Variants in ROBO2 observed in about 807,000 individuals in gnomAD.
The protein encoded by ROBO2 is roundabout homolog 2.
Under a neutral mutation model 160.8 loss-of-function variants are expected in ROBO2, and 53 were observed. The ratio of observed to expected loss-of-function variants is 0.33; its 90% CI spans 0.26 to 0.41. The LOEUF is 0.41. Ranked by LOEUF, ROBO2 falls within the 10% of genes least tolerant of loss-of-function variation. ROBO2 has a pLI of 1.00. For synonymous variants in ROBO2, 664 were observed against 611.7 expected, an observed-to-expected ratio of 1.09 and a Z score of -1.26; for missense variants, 1,577 against 1,722.4, an observed-to-expected ratio of 0.92 and a Z score of 1.49.
chr3:75,934,924 T>A (rs566083121), intron 1 of ROBO2, among the ~76,000 whole-genome samples: 112 of 152,310 alleles, frequency 7.4e-4, no homozygotes, highest in African/African-American at 2.5e-3. Context: ...CAAAAGTAAT[T>A]TACTGAAGGA....
chr3:76,825,654 A>C (rs1192186054), intron 2 of ROBO2, among the ~76,000 whole-genome samples: 1 of 125,642 alleles, frequency 8.0e-6, no homozygotes, highest in South Asian at 2.7e-4. Context: ...TTTTTTCCCT[A>C]TTTTCACAAA....
chr3:76,185,945 T>A (rs1243630808), intron 2 of ROBO2, among the ~76,000 whole-genome samples: 2 of 151,278 alleles, frequency 1.3e-5, no homozygotes, highest in Admixed American at 1.3e-4. Context: ...GATTTTTTTT[T>A]TTTTTTGAGA....
chr3:76,218,122 C>G (rs1213850223), intron 2 of ROBO2, among the ~76,000 whole-genome samples: 1 of 152,120 alleles, frequency 6.6e-6, no homozygotes, highest in East Asian at 1.9e-4. Context: ...GCCCTTCATG[C>G]TAAAAACTCT....
At chr3:77,624,180 G>A (rs1049996375) in intron 23 of ROBO2, among the ~76,000 whole-genome samples, 5 of 152,156 alleles carry the variant, frequency 3.3e-5, no homozygotes, top group African/African-American at 1.2e-4. Context: ...CATCTCTTTA[G>A]TAAAAGAAGT....
chr3:77,169,664 G>A (rs1040285989), intron 2 of ROBO2, among the ~76,000 whole-genome samples: 7 of 152,202 alleles, frequency 4.6e-5, no homozygotes, highest in Non-Finnish European at 1.5e-5. Context: ...TGACTGAGCA[G>A]TTAAACCAGA....
intron 2 of ROBO2, among the ~76,000 whole-genome samples, chr3:77,294,149 G>A (rs1395972874): frequency 6.9e-6 from 1 of 143,992 alleles, no homozygotes; most frequent in Non-Finnish European, 1.5e-5. Flanking sequence ...TAAAATTGAT[G>A]GTTAAACGGG....
chr3:76,770,321 C>T (rs1576521787), intron 2 of ROBO2, among the ~76,000 whole-genome samples: 1 of 151,246 alleles, frequency 6.6e-6, no homozygotes, highest in Non-Finnish European at 1.5e-5. Context: ...ATCATAATTT[C>T]TCAGTGAAAA....
At chr3:76,572,299 G>A (rs1263936330) in intron 2 of ROBO2, among the ~76,000 whole-genome samples, 4 of 152,030 alleles carry the variant, frequency 2.6e-5, no homozygotes, top group Non-Finnish European at 4.4e-5. Context: ...GCTTCAGACC[G>A]GATACCTTTA....
At chr3:76,654,002 A>C (rs142808320) in intron 2 of ROBO2, among the ~76,000 whole-genome samples, 2 of 152,196 alleles carry the variant, frequency 1.3e-5, no homozygotes, top group African/African-American at 2.4e-5. Context: ...AAAAAGTGAT[A>C]CTGCTTAAGT....
At chr3:76,993,717 C>T (rs1288639997) in intron 2 of ROBO2, among the ~76,000 whole-genome samples, 2 of 151,936 alleles carry the variant, frequency 1.3e-5, no homozygotes, top group Non-Finnish European at 2.9e-5. Flanking sequence ...CTTCTTTAGT[C>T]CTTAAAATAA....
At chr3:76,451,588 G>T (rs757794836) in intron 2 of ROBO2, among the ~76,000 whole-genome samples, 2 of 152,136 alleles carry the variant, frequency 1.3e-5, no homozygotes, top group East Asian at 1.9e-4. Flanking sequence ...GTGAATGGGG[G>T]ACAATGATGT....
chr3:75,966,602 G>A (rs1335053979), intron 2 of ROBO2, among the ~76,000 whole-genome samples: 18 of 151,520 alleles, frequency 1.2e-4, no homozygotes, highest in Non-Finnish European at 1.5e-5. Context: ...CAGAACCTGG[G>A]TTTTCTCACA....
At chr3:76,500,639 G>GT (rs1441111298) in intron 2 of ROBO2, among the ~76,000 whole-genome samples, 4 of 152,082 alleles carry the variant, frequency 2.6e-5, no homozygotes, top group African/African-American at 9.7e-5. Context: ...AGTCACATCA[G>GT]TTTTTTTATG....
chr3:76,439,830 C>T (rs2109101767), intron 2 of ROBO2, among the ~76,000 whole-genome samples: 1 of 152,202 alleles, frequency 6.6e-6, no homozygotes, highest in African/African-American at 2.4e-5. Flanking sequence ...CTTTCTTTTG[C>T]CGTTGACTTG....
chr3:76,575,598 C>T (rs913090337), intron 2 of ROBO2, among the ~76,000 whole-genome samples: 12 of 151,984 alleles, frequency 7.9e-5, no homozygotes, highest in African/African-American at 2.9e-4. Flanking sequence ...GACCTTCCCC[C>T]TTTTGGGCCA....
chr3:77,106,955 C>T (rs980729971), intron 2 of ROBO2, among the ~76,000 whole-genome samples: 10 of 152,210 alleles, frequency 6.6e-5, no homozygotes, highest in African/African-American at 2.4e-4. Context: ...TCTACTAAGA[C>T]GTCAGTAGTT....
At chr3:77,010,104 G>GT (rs2061791478) in intron 2 of ROBO2, among the ~76,000 whole-genome samples, 1 of 152,048 alleles carries the variant, frequency 6.6e-6, no homozygotes, top group Admixed American at 6.6e-5. Flanking sequence ...CCTATCCAAA[G>GT]TATCAGATTT....
chr3:75,941,499 T>A (rs1416702580), intron 2 of ROBO2, among the ~76,000 whole-genome samples: 2 of 152,192 alleles, frequency 1.3e-5, no homozygotes, highest in African/African-American at 2.4e-5. Context: ...ACAGAAAATT[T>A]TAATCAATTT....
At chr3:76,255,924 A>C (rs1004956233) in intron 2 of ROBO2, among the ~76,000 whole-genome samples, 11 of 152,064 alleles carry the variant, frequency 7.2e-5, no homozygotes, top group African/African-American at 2.4e-4. Flanking sequence ...CTTTTTGAAT[A>C]TGTACTGTAG....
Sources: gnomAD v4.1 joint callset for allele counts (sites outside exome capture counted in the v4.1 genomes callset) on GRCh38, gnomAD v4.1.1 for gene constraint, MANE v1.5 for transcripts, NCBI Gene and HGNC (gene_info 2026-07-23, HGNC 2026-07-21) for gene names.